The following ABCA13 variants were observed in gnomAD, a reference collection of about 807,000 sequenced individuals.
ABCA13 encodes ATP-binding cassette sub-family A member 13.
In ABCA13, 476 loss-of-function variants were observed where a neutral mutation model predicts 478.7. The observed-to-expected ratio is 0.99, with a 90% CI of 0.92 to 1.07. The LOEUF is 1.07. ABCA13 is among the 50% of genes least tolerant of loss of function. The pLI is 0.00. For synonymous variants in ABCA13, 2,252 were observed against 2,158.9 expected (o/e 1.04, Z -1.20); for missense variants, 6,060 against 5,910.6 (o/e 1.03, Z -0.83).
chr7:48,401,266 T>C (rs7785745), intron 38 of ABCA13, among the ~76,000 whole-genome samples: 31,169 of 152,200 alleles, frequency 0.2, 3,491 homozygotes, highest in East Asian at 0.23. Flanking sequence ...TATGATTATC[T>C]AGGCTTGGAG....
intron 39 of ABCA13, chr7:48,404,482 A>G (rs950681774): frequency 6.1e-6 from 1 of 162,690 alleles, no homozygotes; most frequent in Admixed American, 5.8e-5. Flanking sequence ...ACATTGCAAC[A>G]GTAAAACACA....
intron 56 of ABCA13, among the ~76,000 whole-genome samples, chr7:48,584,821 G>A (rs950087558): frequency 3.9e-5 from 6 of 152,120 alleles, no homozygotes; most frequent in Non-Finnish European, 7.4e-5. Context: ...ATCAGCTTAT[G>A]GTAAAATTGG....
intron 55 of ABCA13, among the ~76,000 whole-genome samples, chr7:48,571,997 G>T (rs548971807): frequency 8.5e-5 from 13 of 152,218 alleles, no homozygotes; most frequent in African/African-American, 3.1e-4. Flanking sequence ...GCCCAACGTG[G>T]CAAAACCCCA....
At chr7:48,409,359 A>G (rs1383083701) in intron 39 of ABCA13, among the ~76,000 whole-genome samples, 3 of 152,202 alleles carry the variant, frequency 2.0e-5, no homozygotes, top group Non-Finnish European at 4.4e-5. Flanking sequence ...TTACAAGCAA[A>G]AGTCGTAAAA....
At chr7:48,511,289 A>C in intron 51 of ABCA13, 90 bp downstream of exon 51, 1 of 1,031,314 alleles carries the variant, frequency 9.7e-7, no homozygotes, top group South Asian at 1.6e-5. Context: ...TGTCGACTTC[A>C]TGATTTCCTC....
At chr7:48,560,701 TA>T (rs1175058728) in intron 55 of ABCA13, among the ~76,000 whole-genome samples, 1 of 152,220 alleles carries the variant, frequency 6.6e-6, no homozygotes, top group Non-Finnish European at 1.5e-5. Context: ...TTTTGTGTGA[TA>T]AGCATATTAG....
chr7:48,315,503 G>A (rs1038121342), intron 26 of ABCA13, among the ~76,000 whole-genome samples: 4 of 148,580 alleles, frequency 2.7e-5, no homozygotes, highest in East Asian at 3.9e-4. Context: ...TTTTTGAGAC[G>A]GAGTCTTGCC....
chr7:48,249,411 A>G (rs769762272), intron 15 of ABCA13, 60 bp downstream of exon 15: 5 of 1,597,404 alleles, frequency 3.1e-6, no homozygotes, highest in African/African-American at 1.3e-5. Context: ...GTGAGGTGAC[A>G]TAATTTCCTG....
intron 59 of ABCA13, among the ~76,000 whole-genome samples, chr7:48,641,654 G>A (rs1442793962): frequency 6.6e-6 from 1 of 152,088 alleles, no homozygotes; most frequent in Admixed American, 6.6e-5. Flanking sequence ...TAATAAACAT[G>A]AGACCAGAAA....
intron 55 of ABCA13, among the ~76,000 whole-genome samples, chr7:48,557,443 T>A (rs1294998908): frequency 6.6e-6 from 1 of 152,132 alleles, no homozygotes; most frequent in Non-Finnish European, 1.5e-5. Context: ...TTTCCCTTCA[T>A]GTTTGATAGA....
intron 55 of ABCA13, among the ~76,000 whole-genome samples, chr7:48,538,711 A>G (rs1833761438): frequency 6.6e-6 from 1 of 152,078 alleles, no homozygotes. Context: ...AAGTCATTCT[A>G]TGTACTCCAT....
Position 48,245,892 on chromosome 7 carries a change from T to C in ABCA13, c.1521T>C (p.Asn507=), listed in dbSNP as rs551073907. 6 of 1,613,282 alleles carry C rather than the reference T, an allele frequency of 3.7e-6. No individual in the cohort carries two copies. The East Asian group carries it at 6.7e-5, about 18-fold the overall frequency. The change falls in exon 13 of 62, where the codon AAT becomes AAC. Residue 507 remains asparagine, a synonymous_variant. Transcript: ENST00000435803. ...QMLAKNAVCP[N]GRFSEKEVFL... is the part of the protein sequence containing the mutation. Reference sequence around the variant, plus strand: ...TGGCGAAGAATGCTGTCTGCCCGAATGGTCGTTTCTCTGAGAAGGAGGTCT... The same window carrying C: ...TGGCGAAGAATGCTGTCTGCCCGAACGGTCGTTTCTCTGAGAAGGAGGTCT...
intron 17 of ABCA13, among the ~76,000 whole-genome samples, chr7:48,277,533 AG>A (rs1483833333): frequency 1.3e-5 from 2 of 152,338 alleles, no homozygotes; most frequent in East Asian, 3.9e-4. Context: ...AGCTGGGAGA[AG>A]ATGTACTTAT....
At position 48,272,191 on chromosome 7, in the gene ABCA13, T is replaced by C. The variant is rs1795706605; in HGVS notation, c.2525T>C (p.Ile842Thr). Residue 842 changes from isoleucine to threonine, a missense_variant, in exon 17 of 62, where the codon ATT (isoleucine) becomes ACT (threonine). By Grantham distance (89) the Ile-to-Thr change is moderately conservative (BLOSUM62 -1). Around this residue, in one of 3 missense-constraint regions of ABCA13, gnomAD observed 4,423 missense variants for 4,309.1 expected, o/e 1.03. Transcript: ENST00000435803. Reference protein sequence around the residue: ...PKLLELWAYGISKGKRAKLEN... With the variant: ...PKLLELWAYGTSKGKRAKLEN... Reference sequence around the variant, plus strand: ...TTACTAGAATTATGGGCCTATGGCATTTCAAAAGGAAAAAGAGCTAAATTG... The same window carrying C: ...TTACTAGAATTATGGGCCTATGGCACTTCAAAAGGAAAAAGAGCTAAATTG... 6.2e-7 allele frequency: 1 copy of C among 1,611,654 alleles called. No individual in the cohort carries two copies. The highest frequency in any genetic ancestry group is 1.3e-5 in the African/African-American group (1 of 74,720).
chr7:48,201,040 G>A (rs146394540), intron 3 of ABCA13, among the ~76,000 whole-genome samples: 2 of 152,304 alleles, frequency 1.3e-5, no homozygotes. Flanking sequence ...TCGGAGGCTC[G>A]CTCACCGCGC....
intron 57 of ABCA13, among the ~76,000 whole-genome samples, chr7:48,591,940 A>T (rs1054027080): frequency 2.6e-5 from 4 of 151,658 alleles, no homozygotes; most frequent in African/African-American, 9.6e-5. Flanking sequence ...TTTGATTTGG[A>T]TGCCTTTTCT....
chr7:48,314,926 T>C (rs1051767749), intron 26 of ABCA13, among the ~76,000 whole-genome samples: 5 of 152,194 alleles, frequency 3.3e-5, no homozygotes, highest in African/African-American at 1.2e-4. Context: ...CAAATGAATA[T>C]GTCATGATAG....
chr7:48,613,512 C>CTCTTTTCCTTCTTTACAGCATGGAGGAG (rs1431783353), intron 58 of ABCA13, among the ~76,000 whole-genome samples: 3 of 151,704 alleles, frequency 2.0e-5, no homozygotes, highest in Non-Finnish European at 4.4e-5. Context: ...TGCTAGTTTG[C>CTCTTTTCCTTCTTTACAGCATGGAGGAG]TGTGTTAAGA....
intron 15 of ABCA13, among the ~76,000 whole-genome samples, chr7:48,262,400 A>T (rs1257975031): frequency 2.6e-5 from 4 of 151,878 alleles, no homozygotes; most frequent in Non-Finnish European, 4.4e-5. Flanking sequence ...TTATAGTCAG[A>T]TGCTTATACC....
Sources: gnomAD v4.1 joint callset for allele counts (sites outside exome capture counted in the v4.1 genomes callset) on GRCh38, gnomAD v4.1.1 for gene constraint, gnomAD v4.1.1 regional missense constraint, MANE v1.5 for transcripts, NCBI Gene and HGNC (gene_info 2026-07-23, HGNC 2026-07-21) for gene names.